Variants in NUP98 observed in about 807,000 individuals in gnomAD.
The protein encoded by NUP98 is nucleoporin 98 and 96 precursor.
A neutral mutation model predicts 191.9 loss-of-function variants in NUP98; 26 were observed. The ratio of observed to expected loss-of-function variants is 0.14; its 90% CI spans 0.10 to 0.19. The LOEUF is 0.19. NUP98 is among the 10% of genes least tolerant of loss of function. The pLI is 1.00. For synonymous variants in NUP98, 808 were observed against 778.4 expected (o/e 1.04, Z -0.63); for missense variants, 1,941 against 2,178.8 (o/e 0.89, Z 2.17).
intron 13 of NUP98, among the ~76,000 whole-genome samples, chr11:3,732,096 T>C (rs1196163296): frequency 6.6e-6 from 1 of 152,162 alleles, no homozygotes; most frequent in Non-Finnish European, 1.5e-5. Context: ...ATAATGAATC[T>C]GTTAGCTGGA....
rs1169695378 is a variant in NUP98, at chr11:3,797,410, T to C, written c.-39A>G. The C allele has an allele frequency of 2.5e-6, 1 of 402,444 alleles. No individual in the cohort carries two copies. Among genetic ancestry groups the C allele is most frequent in the Non-Finnish European group, 4.4e-6 (1 of 228,168 alleles). The allele number at this position is 402,444 out of a possible 1,614,324, so 24.9% of individuals were successfully genotyped here. A position where few individuals can be genotyped will look rare whatever the true frequency, so the allele number is the denominator to read the frequency against. On this transcript the variant is annotated 5_prime_UTR_variant, in exon 1 of 33. Coordinates refer to ENST00000324932, the MANE Select transcript of NUP98 (RefSeq NM_016320.5). ...GGGCTCCCGACTTACCGCGGTTCGG[T>C]GGGGAAGGGGAAGTGTCAGGAGTCC... is the stretch of plus-strand genomic sequence containing the variant.
At position 3,693,218 on chromosome 11, in the gene NUP98, T is replaced by C. The variant is rs771552499; in HGVS notation, c.4311+14A>G. On this transcript the variant is annotated intron_variant, in intron 27 of 32. Coordinates refer to ENST00000324932, the MANE Select transcript of NUP98 (RefSeq NM_016320.5). ...CCAGCAAGATTTTTGCTTGGCTCTA[T>C]TGGCCACATATACCTGAAATGCTTC... The C allele has an allele frequency of 3.7e-6, 6 of 1,613,460 alleles. No homozygotes were observed. The African/African-American group carries it at 5.3e-5, about 14-fold the overall frequency.
intron 25 of NUP98, 177 bp downstream of exon 25, chr11:3,698,905 A>T (rs1399969892): frequency 1.4e-6 from 1 of 698,356 alleles, no homozygotes; most frequent in Non-Finnish European, 2.4e-6. Flanking sequence ...CTTGATTAAA[A>T]GTTAAATTTT....
intron 12 of NUP98, among the ~76,000 whole-genome samples, chr11:3,738,107 A>AAAAAAAAAAAAAAACC (rs1554894745): frequency 1.4e-5 from 2 of 147,568 alleles, no homozygotes; most frequent in Non-Finnish European, 3.0e-5. Context: ...AAAAAAAAAA[A>AAAAAAAAAAAAAAACC]CCAAAGACTT....
chr11:3,778,109 G>GAATGGCAT (rs1564918891), intron 4 of NUP98, among the ~76,000 whole-genome samples: 1 of 143,668 alleles, frequency 7.0e-6, no homozygotes, highest in African/African-American at 2.6e-5. Context: ...TGAGGCAGGA[G>GAATGGCAT]AATGGCATGA....
chr11:3,738,106 A>C (rs868189705), intron 12 of NUP98, among the ~76,000 whole-genome samples: 1 of 143,192 alleles, frequency 7.0e-6, no homozygotes, highest in Non-Finnish European at 1.6e-5. Flanking sequence ...AAAAAAAAAA[A>C]ACCAAAGACT....
chr11:3,758,402 C>T (rs1360877887), intron 10 of NUP98, among the ~76,000 whole-genome samples: 2 of 151,820 alleles, frequency 1.3e-5, no homozygotes, highest in South Asian at 2.1e-4. Context: ...AGTCTACAAA[C>T]GGTCCATGGG....
chr11:3,750,350 C>G (rs558128366), intron 11 of NUP98, among the ~76,000 whole-genome samples: 9 of 152,210 alleles, frequency 5.9e-5, no homozygotes, highest in African/African-American at 1.9e-4. Flanking sequence ...CCCACCTCAG[C>G]CTCCCAAAGA....
intron 12 of NUP98, 45 bp from the exon 13 acceptor site, chr11:3,735,369 A>AT: frequency 1.1e-6 from 1 of 935,144 alleles, no homozygotes; most frequent in Non-Finnish European, 1.4e-6. Context: ...TATATATATA[A>AT]ATGCAAGGAT....
In NUP98 at chr11:3,704,629, A is replaced by G. The variant is rs141880599; in HGVS notation, c.3082+571T>C. ...TCCACATTCATAAGCAAACAAAAAC[A>G]TGAACCTAAACAAAGCACAAATGCT... On this transcript the variant is annotated intron_variant, in intron 22 of 32. Transcript: ENST00000324932. Among the ~76,000 whole-genome samples, 250 of 152,372 alleles carry G rather than the reference A, an allele frequency of 1.6e-3. 1 individual carries two copies. The highest frequency in any genetic ancestry group is 5.8e-3 in the African/African-American group (240 of 41,592).
chr11:3,797,022 A>G (rs952675797), intron 1 of NUP98, among the ~76,000 whole-genome samples: 3 of 152,218 alleles, frequency 2.0e-5, no homozygotes, highest in East Asian at 3.8e-4. Context: ...GTCCCACATG[A>G]CGGTCAAGGA....
In NUP98 at chr11:3,771,781, C is replaced by A. The variant is rs776658716; in HGVS notation, c.751G>T (p.Ala251Ser). The A allele has an allele frequency of 1.9e-6, 3 of 1,614,136 alleles. No individual in the cohort carries two copies. In the South Asian group the frequency reaches 3.3e-5, roughly 18 times the overall value. ...FSSSTTNSGFAYGQNKTAFGT... is the reference protein window; with the variant it reads ...FSSSTTNSGFSYGQNKTAFGT... ...AAGGCAGTTTTGTTCTGACCATATG[C>A]AAAGCCTGAATTAGTGGTGGAGGAG... The change falls in exon 7 of 33, where the codon GCA becomes TCA. Residue 251 changes from alanine (A) to serine (S), a missense_variant. This residue lies in a region of NUP98 where 181 missense variants were observed against 228.0 expected (regional missense o/e 0.79). Coordinates refer to ENST00000324932, the MANE Select transcript of NUP98 (RefSeq NM_016320.5).
intron 30 of NUP98, 57 bp downstream of exon 30, chr11:3,683,143 G>C (rs1466845735): frequency 1.1e-5 from 18 of 1,605,870 alleles, no homozygotes; most frequent in Non-Finnish European, 1.5e-5. Context: ...CATCATGGAG[G>C]TTCAGAGGTT....
intron 25 of NUP98, among the ~76,000 whole-genome samples, chr11:3,697,434 TAA>T (rs1260906061): frequency 6.6e-6 from 1 of 152,152 alleles, no homozygotes. Flanking sequence ...TGGCTTTGGA[TAA>T]ATTAGGTTCC....
chr11:3,702,378 G>T, intron 23 of NUP98, 85 bp downstream of exon 23: 1 of 737,994 alleles, frequency 1.4e-6, no homozygotes, highest in South Asian at 1.6e-5. Flanking sequence ...CTAGAAAGAT[G>T]ACAAAGCAGG....
chr11:3,723,080 T>C lies in NUP98; in HGVS notation c.2146+77A>G, dbSNP rs2079464018. The C allele has an allele frequency of 1.7e-5, 23 of 1,354,982 alleles. 1 individual carries two copies. In the Middle Eastern group the frequency reaches 5.9e-4, roughly 35 times the overall value. The allele number at this position is 1,354,982 out of a possible 1,614,324, so 83.9% of individuals were successfully genotyped here. ...TAAAATGCCAAACAGCTGACTTCCA[T>C]ATGTTGAATATCTGCAACAAGCAAG... On this transcript the variant is annotated intron_variant, in intron 16 of 32. Coordinates refer to ENST00000324932, the MANE Select transcript of NUP98 (RefSeq NM_016320.5).
chr11:3,731,249 G>A (rs192510320), intron 14 of NUP98, 142 bp downstream of exon 14: 12 of 486,064 alleles, frequency 2.5e-5, no homozygotes, highest in African/African-American at 8.1e-5. Context: ...GGGTGACAGA[G>A]TAAGACTCTG....
At position 3,753,418 on chromosome 11, in the gene NUP98, CA is replaced by C. The variant is rs772999087; in HGVS notation, c.1175-11del. On this transcript the variant is annotated splice_polypyrimidine_tract_variant and intron_variant, in intron 10 of 32. Coordinates refer to ENST00000324932, the MANE Select transcript of NUP98 (RefSeq NM_016320.5). Reference sequence around the variant, plus strand: ...GTATTTGTGCCAAAACCTAGGAAGACAAAAGAATGAGTGGATTGTACTTTTA... The same window carrying C: ...GTATTTGTGCCAAAACCTAGGAAGACAAAGAATGAGTGGATTGTACTTTTA... 4 of 1,601,220 alleles carry C rather than the reference CA, an allele frequency of 2.5e-6. No homozygotes were observed. The African/African-American group carries it at 5.4e-5, about 21-fold the overall frequency.
intron 28 of NUP98, among the ~76,000 whole-genome samples, chr11:3,687,581 A>G (rs1473893773): frequency 1.3e-5 from 2 of 152,232 alleles, no homozygotes; most frequent in Non-Finnish European, 2.9e-5. Context: ...TAATGAGGCC[A>G]GAAGGTGGTT....
Sources: gnomAD v4.1 joint callset for allele counts (sites outside exome capture counted in the v4.1 genomes callset) on GRCh38, gnomAD v4.1.1 for gene constraint, gnomAD v4.1.1 regional missense constraint, MANE v1.5 for transcripts, NCBI Gene and HGNC (gene_info 2026-07-23, HGNC 2026-07-21) for gene names.